The following MAPK6 variants were observed in gnomAD, a reference collection of about 807,000 sequenced individuals.
The protein encoded by MAPK6 is ERK-3.
A neutral mutation model predicts 59.3 loss-of-function variants in MAPK6; 19 were observed. That is an observed-to-expected ratio of 0.32 (90% CI 0.22 to 0.47). The LOEUF (loss-of-function observed/expected upper bound fraction) is 0.47, where lower values mean the gene tolerates loss of function less well. Ranked by LOEUF, MAPK6 falls within the 20% of genes least tolerant of loss-of-function variation. The pLI is 1.00. For missense variants in MAPK6, 724 were observed against 847.9 expected (o/e 0.85, Z 1.81); for synonymous variants, 316 against 290.3 (o/e 1.09, Z -0.90).
rs1302430405 is a variant in MAPK6, at chr15:52,045,906, A to T, written c.-555A>T. ...GGAGCCACCTGATCACTAACAAAAG[A>T]CATCTTCTGTTAACCAACAGCCGCC... On this transcript the variant is annotated 5_prime_UTR_variant, in exon 2 of 6. Coordinates refer to ENST00000261845, the MANE Select transcript of MAPK6 (RefSeq NM_002748.4). 6.5e-6 allele frequency: 1 copy of T among 153,090 alleles called. No homozygotes were observed. The highest frequency in any genetic ancestry group is 1.5e-5 in the Non-Finnish European group (1 of 68,374). The allele number at this position is 153,090 out of a possible 1,614,324, so 9.5% of individuals were successfully genotyped here. A position where few individuals can be genotyped will look rare whatever the true frequency, so the allele number is the denominator to read the frequency against.
rs193004110 is a variant in MAPK6 at position 52,066,354 on chromosome 15, T to G, written c.*1354T>G. 38 of 152,330 alleles carry G rather than the reference T, an allele frequency of 2.5e-4. No individual in the cohort carries two copies. The highest frequency in any genetic ancestry group is 9.1e-4 in the African/African-American group (38 of 41,574). The allele number at this position is 152,330 out of a possible 1,614,324, so 9.4% of individuals were successfully genotyped here. A position where few individuals can be genotyped will look rare whatever the true frequency, so the allele number is the denominator to read the frequency against. On this transcript the variant is annotated 3_prime_UTR_variant, in exon 6 of 6. Coordinates refer to ENST00000261845, the MANE Select transcript of MAPK6 (RefSeq NM_002748.4). ...ACTTTGAATTATGGCCATAAATTGC[T>G]AGTCTGAAAGGCTGAGAAGGTTCAA...
At chr15:51,996,503 C>T (rs2057224556) in intron 2 of MAPK6, among the ~76,000 whole-genome samples, 1 of 152,132 alleles carries the variant, frequency 6.6e-6, no homozygotes, top group African/African-American at 2.4e-5. Flanking sequence ...TCAAGTGATT[C>T]TCCTGCCTCA....
intron 2 of MAPK6, among the ~76,000 whole-genome samples, chr15:51,998,084 C>T (rs556803987): frequency 2.6e-5 from 4 of 152,074 alleles, no homozygotes; most frequent in South Asian, 2.1e-4. Context: ...GCTGGGACTA[C>T]GGGCACATGC....
At chr15:51,998,983 C>G (rs563319026) in intron 2 of MAPK6, among the ~76,000 whole-genome samples, 1 of 148,404 alleles carries the variant, frequency 6.7e-6, no homozygotes, top group Non-Finnish European at 1.5e-5. Context: ...AGCCACCGCG[C>G]CCGGCCTTTT....
rs11322169 is a variant in MAPK6, at chr15:52,057,558, C to CAAA, written c.701-1064_701-1062dup. On this transcript the variant is annotated intron_variant, in intron 3 of 5. Coordinates refer to ENST00000261845, the MANE Select transcript of MAPK6 (RefSeq NM_002748.4). Reference sequence around the variant, plus strand: ...TTCTTAGTGAGGCCTTCCTTTGTCTCAAAAAAAAAAAAATGTCTTATTGTT... The same window carrying CAAA: ...TTCTTAGTGAGGCCTTCCTTTGTCTCAAAAAAAAAAAAAAAATGTCTTATTGTT... 3.0e-3 allele frequency among the ~76,000 whole-genome samples: 450 copies of CAAA among 149,300 alleles called. 1 individual carries two copies. Among genetic ancestry groups the CAAA allele is most frequent in the African/African-American group, 0.01 (418 of 40,768 alleles).
chr15:52,010,113 A>G (rs1179875971), intron 3 of MAPK6, among the ~76,000 whole-genome samples: 1 of 152,082 alleles, frequency 6.6e-6, no homozygotes, highest in Non-Finnish European at 1.5e-5. Context: ...CCCATTTGTC[A>G]TAGTCTGAGA....
At position 52,064,012 on chromosome 15, in the gene MAPK6, A is replaced by T. The variant is rs368383251; in HGVS notation, c.1178A>T (p.Glu393Val). ...CTGTCCGATGTCACTGATGAAGAAGAAGTACAAGTTGATCCCCGAAAATAT... is the reference window on the plus strand; with the variant it reads ...CTGTCCGATGTCACTGATGAAGAAGTAGTACAAGTTGATCCCCGAAAATAT... ...RALSDVTDEE[E>V]VQVDPRKYLD... Residue 393 changes from glutamate (E) to valine (V), a missense_variant, in exon 6 of 6, where the codon GAA becomes GTA. Transcript: ENST00000261845. The T allele has an allele frequency of 1.4e-5, 23 of 1,613,826 alleles. No homozygotes were observed. The highest frequency in any genetic ancestry group is 1.7e-4 in the Middle Eastern group (1 of 6,056).
chr15:52,057,967 G>A (rs189126156), intron 3 of MAPK6, among the ~76,000 whole-genome samples: 9 of 152,158 alleles, frequency 5.9e-5, no homozygotes, highest in African/African-American at 9.6e-5. Context: ...AGTGTCCTGC[G>A]CATAGTAGGA....
At chr15:51,983,042 T>C (rs1032980912) in intron 1 of MAPK6, among the ~76,000 whole-genome samples, 2 of 152,222 alleles carry the variant, frequency 1.3e-5, no homozygotes, top group Non-Finnish European at 2.9e-5. Context: ...ACACTTTTTA[T>C]CTGCTACTTA....
intron 2 of MAPK6, among the ~76,000 whole-genome samples, chr15:51,992,536 C>T (rs2057213080): frequency 6.6e-6 from 1 of 151,644 alleles, no homozygotes; most frequent in Non-Finnish European, 1.5e-5. Context: ...GATCTTCTGA[C>T]CTTGCGATCC....
At chr15:52,048,581 C>T (rs752416698) in intron 2 of MAPK6, among the ~76,000 whole-genome samples, 2 of 152,176 alleles carry the variant, frequency 1.3e-5, no homozygotes, top group Non-Finnish European at 2.9e-5. Flanking sequence ...GCACTCCAGC[C>T]TGGGCAACAG....
upstream of MAPK6, among the ~76,000 whole-genome samples, chr15:52,016,107 C>CACACACACAAAAA (rs1267339787): frequency 7.3e-6 from 1 of 136,210 alleles, no homozygotes; most frequent in Non-Finnish European, 1.6e-5. Context: ...CACACACACA[C>CACACACACAAAAA]AAACTAAAAC....
chr15:51,975,473 G>A (rs986786810), intron 1 of MAPK6, among the ~76,000 whole-genome samples: 3 of 151,454 alleles, frequency 2.0e-5, no homozygotes, highest in Non-Finnish European at 2.9e-5. Context: ...TCCGGGAGGC[G>A]GAGGTTGCAG....
At chr15:52,016,062 G>GCACA (rs1299801695), upstream of MAPK6, among the ~76,000 whole-genome samples, 112 of 59,132 alleles carry the variant, frequency 1.9e-3, no homozygotes, top group South Asian at 5.3e-3. Context: ...TCGCGCGCGC[G>GCACA]CGCGCGCGCA....
intron 2 of MAPK6, among the ~76,000 whole-genome samples, chr15:52,048,454 C>T (rs1262969992): frequency 1.3e-5 from 2 of 150,900 alleles, no homozygotes; most frequent in Non-Finnish European, 2.9e-5. Context: ...CCTGTCTCTC[C>T]TAAAAATACA....
At chr15:52,041,925 T>G (rs2031432674) in intron 1 of MAPK6, among the ~76,000 whole-genome samples, 1 of 152,230 alleles carries the variant, frequency 6.6e-6, no homozygotes, top group African/African-American at 2.4e-5. Flanking sequence ...ATTGTTTGTC[T>G]CTAGTCACAT....
chr15:51,984,478 T>TTTTTTC (rs2057184609), intron 2 of MAPK6, among the ~76,000 whole-genome samples: 1 of 131,720 alleles, frequency 7.6e-6, no homozygotes, highest in Non-Finnish European at 1.6e-5. Context: ...TTTTTTTTTG[T>TTTTTTC]ATTTTTAGTA....
At chr15:52,015,883 C>T (rs1399491600), upstream of MAPK6, among the ~76,000 whole-genome samples, 1 of 139,428 alleles carries the variant, frequency 7.2e-6, no homozygotes, top group Non-Finnish European at 1.6e-5. Flanking sequence ...CATGGTGAAA[C>T]CCCCTCTCTA....
chr15:52,055,251 C>G (rs1383208654), intron 3 of MAPK6, among the ~76,000 whole-genome samples: 1 of 152,058 alleles, frequency 6.6e-6, no homozygotes, highest in Non-Finnish European at 1.5e-5. Context: ...CGACAAAAAA[C>G]AAAAATGTAG....
Sources: gnomAD v4.1 joint callset for allele counts (sites outside exome capture counted in the v4.1 genomes callset) on GRCh38, gnomAD v4.1.1 for gene constraint, MANE v1.5 for transcripts, NCBI Gene and HGNC (gene_info 2026-07-23, HGNC 2026-07-21) for gene names.